ZNF521: variants seen among roughly 807,000 people sequenced by gnomAD.
ZNF521 encodes LYST-interacting protein 3.
Under a neutral mutation model 105.5 loss-of-function variants are expected in ZNF521, and 14 were observed. The ratio of observed to expected loss-of-function variants is 0.13; its 90% CI spans 0.09 to 0.21. The LOEUF is 0.21. Ranked by LOEUF, ZNF521 falls within the 10% of genes least tolerant of loss-of-function variation. ZNF521 has a pLI of 1.00. For missense variants in ZNF521, 1,233 were observed against 1,629.7 expected, an observed-to-expected ratio of 0.76 and a Z score of 4.19; for synonymous variants, 635 against 606.0, an observed-to-expected ratio of 1.05 and a Z score of -0.70.
chr18:25,259,897 G>A (rs1908792640), intron 3 of ZNF521, among the ~76,000 whole-genome samples: 1 of 152,168 alleles, frequency 6.6e-6, no homozygotes, highest in Non-Finnish European at 1.5e-5. Context: ...AGACAGAAAA[G>A]CACAGCATGA....
intron 4 of ZNF521, among the ~76,000 whole-genome samples, chr18:25,216,910 T>C (rs1340334616): frequency 2.0e-5 from 3 of 152,092 alleles, no homozygotes; most frequent in Admixed American, 6.5e-5. Flanking sequence ...AGACCACCTT[T>C]GATAAGGTTT....
rs185863832 is a variant in ZNF521 at position 25,228,430 on chromosome 18, A to G, written c.221-733T>C. 2.2e-4 allele frequency among the ~76,000 whole-genome samples: 33 copies of G among 152,378 alleles called. 1 individual carries two copies. In the East Asian group the frequency reaches 3.5e-3, roughly 16 times the overall value. ...TTAGAAGGGTACTGCTAGATATTAC[A>G]TGTAGCTAGGATCAGCTAGGATCAA... On this transcript the variant is annotated intron_variant, in intron 3 of 7. Transcript: ENST00000361524.
chr18:25,320,338 A>AC (rs1912871019), intron 3 of ZNF521, among the ~76,000 whole-genome samples: 1 of 152,018 alleles, frequency 6.6e-6, no homozygotes, highest in Non-Finnish European at 1.5e-5. Context: ...ACGCACGGCT[A>AC]ATTTTTATTT....
At chr18:25,102,687 T>G (rs1376309572) in intron 5 of ZNF521, among the ~76,000 whole-genome samples, 1 of 151,996 alleles carries the variant, frequency 6.6e-6, no homozygotes, top group Non-Finnish European at 1.5e-5. Flanking sequence ...GGCCTGAGAC[T>G]ATAGATATTA....
At chr18:25,116,886 T>TATATATATATATATATATATAC (rs2034317935) in intron 5 of ZNF521, among the ~76,000 whole-genome samples, 1 of 43,230 alleles carries the variant, frequency 2.3e-5, no homozygotes, top group African/African-American at 4.7e-5. Flanking sequence ...TATATATATA[T>TATATATATATATATATATATAC]ACGTATATAT....
intron 5 of ZNF521, among the ~76,000 whole-genome samples, chr18:25,163,474 C>T (rs996428418): frequency 3.3e-5 from 5 of 152,122 alleles, no homozygotes; most frequent in Admixed American, 6.5e-5. Flanking sequence ...CGACACCATC[C>T]CCTGCAGTGT....
chr18:25,068,911 C>T (rs1363921919), intron 7 of ZNF521, among the ~76,000 whole-genome samples: 2 of 152,152 alleles, frequency 1.3e-5, no homozygotes, highest in Admixed American at 6.5e-5. Context: ...AATGTAGGCT[C>T]CTAACAGCTA....
At chr18:25,085,817 T>A (rs931587577) in intron 7 of ZNF521, among the ~76,000 whole-genome samples, 1 of 152,038 alleles carries the variant, frequency 6.6e-6, no homozygotes, top group East Asian at 1.9e-4. Flanking sequence ...TATTTTCAAC[T>A]GGGCATAAAC....
chr18:25,272,288 A>C (rs750516065), intron 3 of ZNF521, among the ~76,000 whole-genome samples: 10 of 152,256 alleles, frequency 6.6e-5, no homozygotes, highest in Non-Finnish European at 1.0e-4. Context: ...ATGTAGAGAA[A>C]TAGGAACACT....
At chr18:25,080,521 G>A (rs1475616698) in intron 7 of ZNF521, among the ~76,000 whole-genome samples, 2 of 152,158 alleles carry the variant, frequency 1.3e-5, no homozygotes, top group African/African-American at 2.4e-5. Context: ...TAAAATACAC[G>A]TTTGGCTCTG....
intron 4 of ZNF521, among the ~76,000 whole-genome samples, chr18:25,213,763 G>A (rs1265285056): frequency 6.6e-6 from 1 of 151,908 alleles, no homozygotes; most frequent in African/African-American, 2.4e-5. Flanking sequence ...TATTTTCTTT[G>A]GAGGAAAGAT....
At chr18:25,134,657 C>A (rs958817736) in intron 5 of ZNF521, among the ~76,000 whole-genome samples, 1 of 152,094 alleles carries the variant, frequency 6.6e-6, no homozygotes, top group Admixed American at 6.6e-5. Context: ...TGCAGCTTTT[C>A]ACTCCATCCC....
intron 2 of ZNF521, among the ~76,000 whole-genome samples, chr18:25,350,652 GT>G (rs1206195156): frequency 6.9e-6 from 1 of 145,932 alleles, no homozygotes; most frequent in East Asian, 2.0e-4. Flanking sequence ...TTTTTTTTCG[GT>G]TGTTGTTGTC....
chr18:25,343,904 T>C (rs1190885440), intron 2 of ZNF521, among the ~76,000 whole-genome samples: 1 of 152,170 alleles, frequency 6.6e-6, no homozygotes, highest in Non-Finnish European at 1.5e-5. Flanking sequence ...GACCAAATTA[T>C]AAACCTCTGC....
intron 5 of ZNF521, among the ~76,000 whole-genome samples, chr18:25,100,466 G>A (rs1431015835): frequency 6.6e-6 from 1 of 152,018 alleles, no homozygotes; most frequent in Non-Finnish European, 1.5e-5. Flanking sequence ...CACCACAAAA[G>A]CACACGTCAT....
At chr18:25,136,916 G>T (rs1010933386) in intron 5 of ZNF521, among the ~76,000 whole-genome samples, 14 of 152,078 alleles carry the variant, frequency 9.2e-5, no homozygotes, top group African/African-American at 3.4e-4. Flanking sequence ...TGTGGTTGTT[G>T]GACTGGGGGA....
At chr18:25,097,011 C>G (rs778736328) in intron 5 of ZNF521, among the ~76,000 whole-genome samples, 2 of 152,120 alleles carry the variant, frequency 1.3e-5, no homozygotes, top group African/African-American at 4.8e-5. Context: ...AAACTATGCC[C>G]TAACCCAATT....
chr18:25,210,930 C>G (rs1177812817), intron 4 of ZNF521, among the ~76,000 whole-genome samples: 1 of 152,204 alleles, frequency 6.6e-6, no homozygotes, highest in African/African-American at 2.4e-5. Context: ...AAAGCTTCTC[C>G]TCTTTACAAA....
intron 5 of ZNF521, among the ~76,000 whole-genome samples, chr18:25,133,303 T>C (rs559399116): frequency 6.6e-6 from 1 of 152,328 alleles, no homozygotes; most frequent in Admixed American, 6.5e-5. Context: ...TACTTCTGTT[T>C]GCTCCCATCT....
Sources: allele counts gnomAD v4.1 joint callset (sites outside exome capture counted in the v4.1 genomes callset), GRCh38; gene constraint gnomAD v4.1.1; transcripts MANE v1.5; gene names NCBI Gene and HGNC (gene_info 2026-07-23, HGNC 2026-07-21).